HS1BP3: variants seen among roughly 807,000 people sequenced by gnomAD.
HS1BP3 encodes HCLS1-binding protein 3.
In HS1BP3, 32 loss-of-function variants were observed where a neutral mutation model predicts 33.5. The observed-to-expected ratio is 0.95, with a 90% CI of 0.72 to 1.28. The LOEUF is 1.28. Among genes scored for constraint, HS1BP3 ranks in the 50% most tolerant of loss-of-function variants. HS1BP3 has a pLI of 0.00. For synonymous variants in HS1BP3, 187 were observed against 209.2 expected (o/e 0.89, Z 0.92); for missense variants, 486 against 502.3 (o/e 0.97, Z 0.31).
downstream of HS1BP3, among the ~76,000 whole-genome samples, chr2:20,614,721 C>T (rs1402343236): frequency 6.6e-6 from 1 of 152,226 alleles, no homozygotes; most frequent in African/African-American, 2.4e-5. Context: ...AAAAGCCATT[C>T]AGAGGCGGCT....
At chr2:20,581,010 A>C (rs1414215437) in intron 5 of HS1BP3, among the ~76,000 whole-genome samples, 1 of 152,240 alleles carries the variant, frequency 6.6e-6, no homozygotes, top group African/African-American at 2.4e-5. Flanking sequence ...CTTGTCAGGC[A>C]TGCACTCCAG....
rs559480721 is a variant in HS1BP3, at chr2:20,566,709, C to T, written c.303-6194G>A. 5.9e-5 allele frequency among the ~76,000 whole-genome samples: 9 copies of T among 151,990 alleles called. No individual in the cohort carries two copies. The South Asian group carries it at 1.5e-3, about 25-fold the overall frequency. ...GCAAACCCTGCCTCCTGGGCTCAAG[C>T]GATTCTCCTGCCTCAGCCTCCCGAC... On this transcript the variant is annotated intron_variant, in intron 5 of 5. Transcript: ENST00000446825.
intron 1 of HS1BP3, among the ~76,000 whole-genome samples, chr2:20,648,204 G>T (rs960366412): frequency 6.6e-6 from 1 of 152,196 alleles, no homozygotes; most frequent in Non-Finnish European, 1.5e-5. Flanking sequence ...GACCACTCAT[G>T]TAACAAAAGC....
chr2:20,645,264 C>A, intron 2 of HS1BP3, 76 bp downstream of exon 2: 2 of 1,464,942 alleles, frequency 1.4e-6, no homozygotes, highest in Admixed American at 1.9e-5. Flanking sequence ...GCTACTTGAA[C>A]CCTGGTGGGC....
At chr2:20,648,468 A>G (rs2149305479) in intron 1 of HS1BP3, among the ~76,000 whole-genome samples, 1 of 152,304 alleles carries the variant, frequency 6.6e-6, no homozygotes, top group South Asian at 2.1e-4. Flanking sequence ...GGGCACAGTC[A>G]GCCACTCCCC....
chr2:20,619,362 G>A (rs569779689), intron 6 of HS1BP3, 117 bp from the exon 7 acceptor site: 586 of 915,466 alleles, frequency 6.4e-4, no homozygotes, highest in Non-Finnish European at 8.7e-4. Flanking sequence ...GCCCAGCCTC[G>A]GCCAGGTCAA....
intron 1 of HS1BP3, among the ~76,000 whole-genome samples, chr2:20,647,683 T>C (rs914880373): frequency 6.6e-6 from 1 of 152,138 alleles, no homozygotes; most frequent in Non-Finnish European, 1.5e-5. Context: ...AAACTTTCTC[T>C]ACAGGGTCAG....
intron 5 of HS1BP3, among the ~76,000 whole-genome samples, chr2:20,563,246 GA>G (rs1488868396): frequency 2.0e-5 from 3 of 152,220 alleles, no homozygotes; most frequent in Non-Finnish European, 4.4e-5. Flanking sequence ...TGCAGAGCCA[GA>G]TCTCTCTAAG....
intron 5 of HS1BP3, among the ~76,000 whole-genome samples, chr2:20,572,871 C>T (rs1015504852): frequency 2.6e-5 from 4 of 152,160 alleles, no homozygotes; most frequent in Non-Finnish European, 4.4e-5. Flanking sequence ...CTTCTAACTG[C>T]TCCCTGCCAA....
At chr2:20,589,715 A>G (rs891870690), downstream of HS1BP3, among the ~76,000 whole-genome samples, 4 of 152,202 alleles carry the variant, frequency 2.6e-5, no homozygotes, top group Non-Finnish European at 5.9e-5. Context: ...ATCCTAAGGC[A>G]GTGAGGCATG....
intron 3 of HS1BP3, among the ~76,000 whole-genome samples, chr2:20,597,128 C>A (rs1693960912): frequency 6.6e-6 from 1 of 152,234 alleles, no homozygotes; most frequent in South Asian, 2.1e-4. Context: ...TCAGAACATG[C>A]AGTTTACAGG....
chr2:20,626,127 T>A (rs1437594461), intron 4 of HS1BP3, among the ~76,000 whole-genome samples: 1 of 151,810 alleles, frequency 6.6e-6, no homozygotes, highest in Non-Finnish European at 1.5e-5. Flanking sequence ...GAGGCTGGCC[T>A]ACACAATGAT....
In HS1BP3 at chr2:20,631,516, C is replaced by CA. The variant is rs529653146; in HGVS notation, c.624-6625dup. 3.0e-4 allele frequency among the ~76,000 whole-genome samples: 19 copies of CA among 63,164 alleles called. 1 individual carries two copies. The highest frequency in any genetic ancestry group is 6.4e-4 in the East Asian group (1 of 1,574). The allele number at this position is 63,164 out of a possible 152,430, so 41.4% of individuals were successfully genotyped here. A position where few individuals can be genotyped will look rare whatever the true frequency, so the allele number is the denominator to read the frequency against. Reference sequence around the variant, plus strand: ...TAGGTAAAAGAGTAAGAACCTGTCTCAAAAAAAAAAAAAAAAAAAAAAAAA... The same window carrying CA: ...TAGGTAAAAGAGTAAGAACCTGTCTCAAAAAAAAAAAAAAAAAAAAAAAAAA... On this transcript the variant is annotated intron_variant, in intron 4 of 6. Coordinates refer to ENST00000304031, the MANE Select transcript of HS1BP3 (RefSeq NM_022460.4).
At chr2:20,558,285 C>A (rs1042902356), downstream of HS1BP3, among the ~76,000 whole-genome samples, 2 of 152,078 alleles carry the variant, frequency 1.3e-5, no homozygotes, top group African/African-American at 2.4e-5. Context: ...GAAGGGGTCG[C>A]CAGATGGGAG....
intron 5 of HS1BP3, among the ~76,000 whole-genome samples, chr2:20,585,620 G>T (rs1693661795): frequency 6.6e-6 from 1 of 152,184 alleles, no homozygotes; most frequent in Non-Finnish European, 1.5e-5. Flanking sequence ...CAGATTTCCT[G>T]TTCTAAAATC....
chr2:20,604,374 G>A (rs1261910494), intron 2 of HS1BP3, among the ~76,000 whole-genome samples: 2 of 152,174 alleles, frequency 1.3e-5, no homozygotes, highest in Non-Finnish European at 2.9e-5. Context: ...ACTGCCCCGG[G>A]ACAGCCTTGG....
chr2:20,563,484 C>A (rs1372033285), intron 5 of HS1BP3, among the ~76,000 whole-genome samples: 1 of 152,262 alleles, frequency 6.6e-6, no homozygotes, highest in East Asian at 1.9e-4. Context: ...TACTGGTCCG[C>A]AGACTCAATA....
At chr2:20,619,330 C>G (rs548640375) in intron 6 of HS1BP3, 85 bp from the exon 7 acceptor site, 218 of 1,221,196 alleles carry the variant, frequency 1.8e-4, no homozygotes, top group Non-Finnish European at 2.3e-4. Flanking sequence ...AGTGCCCACA[C>G]GGGGCTGGGC....
At chr2:20,570,470 C>T (rs1363299719) in intron 5 of HS1BP3, among the ~76,000 whole-genome samples, 3 of 152,150 alleles carry the variant, frequency 2.0e-5, no homozygotes, top group Non-Finnish European at 4.4e-5. Flanking sequence ...TCCTAGCTGC[C>T]GGGCTCATTG....
Sources: allele counts gnomAD v4.1 joint callset (sites outside exome capture counted in the v4.1 genomes callset), GRCh38; gene constraint gnomAD v4.1.1; transcripts MANE v1.5; gene names NCBI Gene and HGNC (gene_info 2026-07-23, HGNC 2026-07-21).